BCO1: variants seen among roughly 807,000 people sequenced by gnomAD.
BCO1 encodes the protein beta-carotene oxygenase 1.
In BCO1, 54 loss-of-function variants were observed where a neutral mutation model predicts 56.3. The observed-to-expected ratio is 0.96, with a 90% CI of 0.77 to 1.20. The LOEUF (loss-of-function observed/expected upper bound fraction) is 1.20, where lower values mean the gene tolerates loss of function less well. Among genes scored for constraint, BCO1 ranks in the 50% most tolerant of loss-of-function variants. BCO1 has a pLI of 0.00. For synonymous variants in BCO1, 318 were observed against 266.1 expected, an observed-to-expected ratio of 1.20 and a Z score of -1.90; for missense variants, 801 against 690.9, an observed-to-expected ratio of 1.16 and a Z score of -1.79.
intron 9 of BCO1, among the ~76,000 whole-genome samples, chr16:81,285,999 T>TA (rs1231252701): frequency 2.0e-5 from 3 of 152,002 alleles, no homozygotes; most frequent in Non-Finnish European, 4.4e-5. Flanking sequence ...AGCTGAAACT[T>TA]AGAGGATTTA....
intron 2 of BCO1, among the ~76,000 whole-genome samples, chr16:81,258,175 A>G (rs1424203466): frequency 6.6e-6 from 1 of 152,148 alleles, no homozygotes. Context: ...TGTAATCCCC[A>G]TTTCAGACTT....
chr16:81,272,393 C>T lies in BCO1; in HGVS notation c.1101+1977C>T, dbSNP rs113532285. 7.5e-3 allele frequency among the ~76,000 whole-genome samples: 1,136 copies of T among 152,304 alleles called. 18 individuals carry two copies. Among genetic ancestry groups the T allele is most frequent in the African/African-American group, 0.026 (1,085 of 41,572 alleles). On this transcript the variant is annotated intron_variant, in intron 7 of 10. Transcript: ENST00000258168. ...TTGGCCTCCCAAAGTGCTGGGATTA[C>T]AGGCGTGAGCCACCGCGCCCGGCCC...
Position 81,264,731 on chromosome 16 carries a change from T to C in BCO1, c.563T>C (p.Ile188Thr). 5.0e-6 allele frequency: 8 copies of C among 1,614,196 alleles called. No homozygotes were observed. Among genetic ancestry groups the C allele is most frequent in the Non-Finnish European group, 5.9e-6 (7 of 1,180,028 alleles). Residue 188 changes from isoleucine to threonine, a missense_variant, in exon 5 of 11, where the codon ATT (isoleucine) becomes ACT (threonine). Coordinates refer to ENST00000258168, the MANE Select transcript of BCO1 (RefSeq NM_017429.3). ...AATGTTCTAAACATGGGCACATCCA[T>C]TGTGGAAAAGGGGAAGACAAAGTAT... Reference protein sequence around the residue: ...AGNVLNMGTSIVEKGKTKYVI... With the variant: ...AGNVLNMGTSTVEKGKTKYVI...
chr16:81,255,921 GTT>G (rs1390668141), intron 2 of BCO1, among the ~76,000 whole-genome samples: 2 of 151,690 alleles, frequency 1.3e-5, no homozygotes, highest in East Asian at 3.9e-4. Context: ...CGCCTCCCAG[GTT>G]CAAGCAATTG....
intron 1 of BCO1, among the ~76,000 whole-genome samples, chr16:81,241,475 C>T (rs187888209): frequency 2.4e-4 from 36 of 152,330 alleles, no homozygotes; most frequent in African/African-American, 8.2e-4. Flanking sequence ...AGATCAGCAG[C>T]GGTTCTCAAA....
intron 2 of BCO1, among the ~76,000 whole-genome samples, chr16:81,246,599 C>T (rs937921118): frequency 7.6e-6 from 1 of 131,004 alleles, no homozygotes; most frequent in Admixed American, 7.7e-5. Flanking sequence ...GCCTGTAATT[C>T]CATCACTTTG....
At chr16:81,259,049 C>A (rs1302028885) in intron 2 of BCO1, among the ~76,000 whole-genome samples, 1 of 152,060 alleles carries the variant, frequency 6.6e-6, no homozygotes, top group Non-Finnish European at 1.5e-5. Flanking sequence ...CATGAGGGAC[C>A]CACCCCCATC....
intron 8 of BCO1, among the ~76,000 whole-genome samples, chr16:81,283,893 TAC>T (rs1244629433): frequency 6.6e-6 from 1 of 151,750 alleles, no homozygotes; most frequent in Non-Finnish European, 1.5e-5. Context: ...TATACATATA[TAC>T]ACATTTACGG....
At chr16:81,271,218 G>A (rs747113360) in intron 7 of BCO1, among the ~76,000 whole-genome samples, 8 of 151,604 alleles carry the variant, frequency 5.3e-5, no homozygotes, top group African/African-American at 1.9e-4. Flanking sequence ...GGATTCAAGC[G>A]GTTCTCCTGC....
intron 2 of BCO1, among the ~76,000 whole-genome samples, chr16:81,248,707 T>C (rs1220372846): frequency 1.3e-5 from 2 of 152,018 alleles, no homozygotes; most frequent in African/African-American, 2.4e-5. Context: ...ATGAGGAACA[T>C]AGAAGGTAAA....
chr16:81,266,311 G>T (rs897367406), intron 5 of BCO1, among the ~76,000 whole-genome samples: 1 of 152,180 alleles, frequency 6.6e-6, no homozygotes, highest in Non-Finnish European at 1.5e-5. Context: ...GCCCATGTTT[G>T]TCCAGGACCC....
chr16:81,291,030 CT>C lies in BCO1; in HGVS notation c.*456del, dbSNP rs1417675583. ...TAAATTGTGTATCTGGGAGTTCTCA[CT>C]TTCTAGCCAGGCCTGATGAGTTAAG... On this transcript the variant is annotated 3_prime_UTR_variant, in exon 11 of 11. Coordinates refer to ENST00000258168, the MANE Select transcript of BCO1 (RefSeq NM_017429.3). The C allele has an allele frequency of 1.8e-5, 3 of 165,334 alleles. No homozygotes were observed. In the East Asian group the frequency reaches 5.0e-4, roughly 28 times the overall value. The allele number at this position is 165,334 out of a possible 1,614,324, so 10.2% of individuals were successfully genotyped here.
intron 1 of BCO1, among the ~76,000 whole-genome samples, chr16:81,242,640 C>G (rs957793445): frequency 1.3e-5 from 2 of 152,138 alleles, no homozygotes; most frequent in African/African-American, 4.8e-5. Flanking sequence ...TCTCTCTGGT[C>G]TTCCTGCCTC....
At chr16:81,290,079 G>C (rs1172245692) in intron 10 of BCO1, among the ~76,000 whole-genome samples, 1 of 152,158 alleles carries the variant, frequency 6.6e-6, no homozygotes, top group African/African-American at 2.4e-5. Flanking sequence ...GGCCAGACTG[G>C]TCTCAAACTC....
chr16:81,290,611 G>A lies in BCO1; in HGVS notation c.*34G>A, dbSNP rs776536520. 20 of 1,533,042 alleles carry A rather than the reference G, an allele frequency of 1.3e-5. No individual in the cohort carries two copies. The highest frequency in any genetic ancestry group is 2.7e-5 in the African/African-American group (2 of 73,176). 95.0% of individuals were successfully genotyped at this position (1,533,042 alleles called of 1,614,324 possible). A position where few individuals can be genotyped will look rare whatever the true frequency, so the allele number is the denominator to read the frequency against. On this transcript the variant is annotated 3_prime_UTR_variant, in exon 11 of 11. Transcript: ENST00000258168. ...GGGTTTGGGTAGGGGAGGGGAGCTC[G>A]GCTGTCAGAACTCCATGGATATGTT...
chr16:81,284,613 T>C (rs1009823511), intron 8 of BCO1, among the ~76,000 whole-genome samples: 1 of 152,032 alleles, frequency 6.6e-6, no homozygotes, highest in Non-Finnish European at 1.5e-5. Context: ...CTGTTCTCCA[T>C]TGACACCCTT....
At chr16:81,243,978 C>A (rs942096406) in intron 1 of BCO1, among the ~76,000 whole-genome samples, 2 of 152,228 alleles carry the variant, frequency 1.3e-5, no homozygotes, top group African/African-American at 2.4e-5. Context: ...CTCTCGTGAT[C>A]CCAACTGAGG....
intron 8 of BCO1, among the ~76,000 whole-genome samples, chr16:81,284,339 T>C (rs1597375672): frequency 6.6e-6 from 1 of 150,796 alleles, no homozygotes; most frequent in African/African-American, 2.4e-5. Context: ...TTTTTGATTA[T>C]GTAAAAATAA....
At chr16:81,249,092 C>CTT (rs546566864) in intron 2 of BCO1, among the ~76,000 whole-genome samples, 4,346 of 133,408 alleles carry the variant, frequency 0.033, 118 homozygotes, top group African/African-American at 0.067. Flanking sequence ...CTCTTTCTTT[C>CTT]TTTTTTTTTT....
Sources: gnomAD v4.1 joint callset for allele counts (sites outside exome capture counted in the v4.1 genomes callset) on GRCh38, gnomAD v4.1.1 for gene constraint, MANE v1.5 for transcripts, NCBI Gene and HGNC (gene_info 2026-07-23, HGNC 2026-07-21) for gene names.